GPHN: variants seen among roughly 807,000 people sequenced by gnomAD.
GPHN encodes gephyrin.
GPHN carries 17 observed loss-of-function variants against 95.5 expected under a neutral mutation model. The observed-to-expected ratio is 0.18, with a 90% CI of 0.12 to 0.27. GPHN has a LOEUF of 0.27. GPHN is among the 10% of genes least tolerant of loss of function. The pLI is 1.00. For synonymous variants in GPHN, 320 were observed against 322.5 expected (o/e 0.99, Z 0.08); for missense variants, 660 against 978.1 (o/e 0.67, Z 4.34).
the GPHN span, among the ~76,000 whole-genome samples, chr14:67,391,444 A>C: frequency 6.6e-6 from 1 of 151,402 alleles, no homozygotes; most frequent in Non-Finnish European, 1.5e-5. Flanking sequence ...CTCGGGAAGG[A>C]CTCCTATCAG....
chr14:67,238,592 T>C, the GPHN span, among the ~76,000 whole-genome samples: 1 of 152,138 alleles, frequency 6.6e-6, no homozygotes, highest in African/African-American at 2.4e-5. Flanking sequence ...GATTTGTTAT[T>C]TGCTGTAGGA....
chr14:67,713,762 T>G, the GPHN span, among the ~76,000 whole-genome samples: 1 of 152,112 alleles, frequency 6.6e-6, no homozygotes, highest in East Asian at 1.9e-4. Flanking sequence ...AGAGCACAGT[T>G]TGGTTTTATA....
chr14:67,030,501 T>C (rs2074143235), intron 10 of GPHN, among the ~76,000 whole-genome samples: 1 of 152,196 alleles, frequency 6.6e-6, no homozygotes, highest in South Asian at 2.1e-4. Context: ...TGGAATTCAG[T>C]GCACCAGCCA....
chr14:66,511,437 T>G (rs551260907), intron 1 of GPHN, among the ~76,000 whole-genome samples: 1 of 152,202 alleles, frequency 6.6e-6, no homozygotes, highest in South Asian at 2.1e-4. Flanking sequence ...ATTTTAAGTA[T>G]TTTATCTATA....
chr14:67,667,986 A>C, the GPHN span, among the ~76,000 whole-genome samples: 1 of 152,140 alleles, frequency 6.6e-6, no homozygotes, highest in African/African-American at 2.4e-5. Flanking sequence ...AGGAGTTAGA[A>C]TAGTTAAAAT....
chr14:67,259,785 G>A, the GPHN span, among the ~76,000 whole-genome samples: 29 of 151,708 alleles, frequency 1.9e-4, no homozygotes, highest in African/African-American at 6.3e-4. Flanking sequence ...GGTGCCATGC[G>A]CCTGTAGTCC....
At chr14:67,473,462 G>T in the GPHN span, 26 of 1,614,092 alleles carry the variant, frequency 1.6e-5, no homozygotes, top group South Asian at 2.1e-4. The surrounding 1 kb of genome is among the most constrained non-coding windows in gnomAD (Gnocchi z 6.5). Context: ...CTAGGGCGCC[G>T]CTGGGCTCCC....
the GPHN span, among the ~76,000 whole-genome samples, chr14:67,192,953 T>C: frequency 6.8e-6 from 1 of 146,830 alleles, no homozygotes; most frequent in African/African-American, 2.5e-5. Flanking sequence ...AATATCTCTA[T>C]ATATCTATAT....
the GPHN span, among the ~76,000 whole-genome samples, chr14:67,406,659 G>A: frequency 6.6e-6 from 1 of 152,198 alleles, no homozygotes. Flanking sequence ...TCCGAACACA[G>A]CAGCAGAACA....
the GPHN span, among the ~76,000 whole-genome samples, chr14:67,434,791 G>A: frequency 6.6e-6 from 1 of 152,116 alleles, no homozygotes; most frequent in Non-Finnish European, 1.5e-5. Flanking sequence ...ATAAAGAAAA[G>A]GGATTTATTT....
chr14:66,625,741 A>G (rs553889579), intron 1 of GPHN, among the ~76,000 whole-genome samples: 1 of 152,230 alleles, frequency 6.6e-6, no homozygotes, highest in African/African-American at 2.4e-5. Context: ...TGTTTCTTGC[A>G]TTGTTTATTC....
chr14:66,730,857 G>A (rs1445688847), intron 2 of GPHN, among the ~76,000 whole-genome samples: 1 of 152,192 alleles, frequency 6.6e-6, no homozygotes, highest in African/African-American at 2.4e-5. Context: ...GTTTGGCTCT[G>A]TGCCCCTACC....
chr14:66,925,839 G>A (rs1216463515), intron 8 of GPHN, among the ~76,000 whole-genome samples: 2 of 152,134 alleles, frequency 1.3e-5, no homozygotes, highest in Non-Finnish European at 2.9e-5. Flanking sequence ...ATTCTGCATA[G>A]TGGCTATGCC....
chr14:67,266,323 A>T, the GPHN span, among the ~76,000 whole-genome samples: 1 of 147,558 alleles, frequency 6.8e-6, no homozygotes, highest in African/African-American at 2.6e-5. Flanking sequence ...TGCATGAGTA[A>T]TTCAAATATT....
intron 2 of GPHN, among the ~76,000 whole-genome samples, chr14:66,716,667 T>C (rs2070212535): frequency 6.6e-6 from 1 of 152,214 alleles, no homozygotes; most frequent in Non-Finnish European, 1.5e-5. Context: ...CCAGGAATTG[T>C]TTCAAGATTT....
chr14:66,652,054 G>A (rs186907865), intron 1 of GPHN, among the ~76,000 whole-genome samples: 1 of 152,026 alleles, frequency 6.6e-6, no homozygotes, highest in South Asian at 2.1e-4. Flanking sequence ...GCGCCAAAAA[G>A]GTTGGGGAAT....
intron 12 of GPHN, among the ~76,000 whole-genome samples, chr14:67,093,496 C>T (rs896603722): frequency 6.6e-6 from 1 of 151,998 alleles, no homozygotes; most frequent in Non-Finnish European, 1.5e-5. Context: ...ATTTTGCCCT[C>T]TACTATAGGA....
At chr14:67,133,113 C>T (rs1267751793) in intron 17 of GPHN, among the ~76,000 whole-genome samples, 1 of 152,000 alleles carries the variant, frequency 6.6e-6, no homozygotes, top group Non-Finnish European at 1.5e-5. Flanking sequence ...TGATTCCATA[C>T]GTGAAGTAGA....
the GPHN span, among the ~76,000 whole-genome samples, chr14:67,390,939 G>T: frequency 6.6e-6 from 1 of 152,120 alleles, no homozygotes; most frequent in Non-Finnish European, 1.5e-5. Context: ...CCCACTCAGT[G>T]ACACTGTAGC....
Sources: gnomAD v4.1 joint callset for allele counts (sites outside exome capture counted in the v4.1 genomes callset) on GRCh38, gnomAD v4.1.1 for gene constraint, Gnocchi (gnomAD v3.1) non-coding constraint, MANE v1.5 for transcripts, NCBI Gene and HGNC (gene_info 2026-07-23, HGNC 2026-07-21) for gene names.